SOX5: variants seen among roughly 807,000 people sequenced by gnomAD.
The protein encoded by SOX5 is SRY-box transcription factor 5.
SOX5 carries 9 observed loss-of-function variants against 92.0 expected under a neutral mutation model. The ratio of observed to expected loss-of-function variants is 0.10; its 90% CI spans 0.06 to 0.17. The LOEUF (loss-of-function observed/expected upper bound fraction) is 0.17. Ranked by LOEUF, SOX5 falls within the 10% of genes least tolerant of loss-of-function variation. The pLI is 1.00. For synonymous variants in SOX5, 344 were observed against 336.3 expected (o/e 1.02, Z -0.25); for missense variants, 642 against 944.5 (o/e 0.68, Z 4.20).
At chr12:23,607,752 A>C (rs1220585081) in intron 8 of SOX5, among the ~76,000 whole-genome samples, 2 of 152,180 alleles carry the variant, frequency 1.3e-5, no homozygotes, top group African/African-American at 4.8e-5. Context: ...ACCTGAAATA[A>C]CAAGCACCTG....
At chr12:24,502,455 T>C (rs1238711076) in intron 1 of SOX5, among the ~76,000 whole-genome samples, 1 of 152,216 alleles carries the variant, frequency 6.6e-6, no homozygotes, top group Non-Finnish European at 1.5e-5. Flanking sequence ...GAATCTACAT[T>C]GATGGAATAT....
intron 1 of SOX5, among the ~76,000 whole-genome samples, chr12:23,944,745 G>T (rs757563805): frequency 6.6e-6 from 1 of 152,106 alleles, no homozygotes; most frequent in Non-Finnish European, 1.5e-5. Flanking sequence ...GGAAGACTTT[G>T]TTATGTTTTT....
intron 4 of SOX5, among the ~76,000 whole-genome samples, chr12:24,011,025 TA>T (rs1228217330): frequency 1.3e-5 from 2 of 151,990 alleles, no homozygotes; most frequent in Admixed American, 6.6e-5. Flanking sequence ...AATGACAACA[TA>T]ATTGCTAAAC....
intron 2 of SOX5, among the ~76,000 whole-genome samples, chr12:23,853,180 T>G (rs771467101): frequency 6.6e-6 from 1 of 150,720 alleles, no homozygotes; most frequent in Non-Finnish European, 1.5e-5. Flanking sequence ...AATTTTTTAA[T>G]AGTCATTTTG....
intron 1 of SOX5, among the ~76,000 whole-genome samples, chr12:24,524,822 G>A (rs191119927): frequency 5.7e-4 from 87 of 152,178 alleles, no homozygotes; most frequent in African/African-American, 1.9e-3. Flanking sequence ...TTTGGGACTC[G>A]CCTGGGTAAC....
At position 23,830,846 on chromosome 12, in the gene SOX5, A is replaced by T. The variant is rs1182944186; in HGVS notation, c.481+15137T>A. Among the ~76,000 whole-genome samples the T allele has an allele frequency of 3.3e-5, 5 of 152,298 alleles. No homozygotes were observed. In the East Asian group the frequency reaches 9.7e-4, roughly 29 times the overall value. On this transcript the variant is annotated intron_variant, in intron 3 of 14. Transcript: ENST00000451604. ...TAATATGGTTCAGTTTAATTTCTAA[A>T]GGGCTGCTCAACAACAGACATTTAA...
intron 14 of SOX5, among the ~76,000 whole-genome samples, chr12:23,535,961 G>C (rs1394189832): frequency 6.6e-6 from 1 of 152,084 alleles, no homozygotes; most frequent in African/African-American, 2.4e-5. Flanking sequence ...TCCCAACCTT[G>C]TTACACCCTA....
intron 1 of SOX5, among the ~76,000 whole-genome samples, chr12:23,921,778 G>GCT (rs1169773402): frequency 6.6e-6 from 1 of 152,142 alleles, no homozygotes; most frequent in Non-Finnish European, 1.5e-5. Context: ...AAGAGATGTT[G>GCT]CCATTTTCGC....
intron 1 of SOX5, among the ~76,000 whole-genome samples, chr12:24,429,649 CA>C (rs1192133166): frequency 6.6e-6 from 1 of 151,950 alleles, no homozygotes; most frequent in African/African-American, 2.4e-5. Flanking sequence ...CACACACACA[CA>C]CCCCATGAGC....
chr12:23,706,373 G>A lies in SOX5; in HGVS notation c.810+28311C>T, dbSNP rs566490477. Among the ~76,000 whole-genome samples, 4 of 152,134 alleles carry A rather than the reference G, an allele frequency of 2.6e-5. 1 individual carries two copies. The South Asian group carries it at 8.3e-4, about 32-fold the overall frequency. Reference sequence around the variant, plus strand: ...CAACAAATAAGATATTCAGTCAATTGCTGGATAAATTCTATCTAGTTATGC... The same window carrying A: ...CAACAAATAAGATATTCAGTCAATTACTGGATAAATTCTATCTAGTTATGC... On this transcript the variant is annotated intron_variant, in intron 6 of 14. Coordinates refer to ENST00000451604, the MANE Select transcript of SOX5 (RefSeq NM_006940.6).
At chr12:23,805,473 C>A (rs1009539576) in intron 3 of SOX5, among the ~76,000 whole-genome samples, 1 of 151,938 alleles carries the variant, frequency 6.6e-6, no homozygotes, top group African/African-American at 2.4e-5. Context: ...CTACTGTTAT[C>A]AAAAAGTAGC....
At chr12:23,817,602 A>G (rs982486285) in intron 3 of SOX5, among the ~76,000 whole-genome samples, 11 of 152,214 alleles carry the variant, frequency 7.2e-5, no homozygotes, top group Admixed American at 6.5e-4. Context: ...TAAGCACTTA[A>G]AGCAAATTGG....
chr12:23,855,404 C>T (rs189189904), intron 2 of SOX5, among the ~76,000 whole-genome samples: 20 of 151,882 alleles, frequency 1.3e-4, no homozygotes, highest in Non-Finnish European at 2.8e-4. Context: ...AAAGTGATAA[C>T]TCAGGGAAAC....
At chr12:23,551,185 A>G (rs1247298065) in intron 11 of SOX5, among the ~76,000 whole-genome samples, 1 of 151,952 alleles carries the variant, frequency 6.6e-6, no homozygotes, top group Non-Finnish European at 1.5e-5. Flanking sequence ...GCACTTCTTT[A>G]TGGTCTTCTA....
chr12:24,331,258 G>A (rs1951271751), intron 2 of SOX5: 1 of 152,184 alleles, frequency 6.6e-6, no homozygotes. Context: ...AGTCTTCCAA[G>A]GTAATGCAGT....
chr12:23,915,578 A>G (rs2097405263), intron 1 of SOX5, among the ~76,000 whole-genome samples: 1 of 152,092 alleles, frequency 6.6e-6, no homozygotes, highest in African/African-American at 2.4e-5. Context: ...AAAACAAATC[A>G]CTTGAATGAC....
chr12:24,282,071 G>C (rs1945275202), intron 2 of SOX5, among the ~76,000 whole-genome samples: 1 of 152,172 alleles, frequency 6.6e-6, no homozygotes, highest in African/African-American at 2.4e-5. Context: ...GAGCTACAGA[G>C]ACTCAACCAA....
At chr12:23,706,544 A>G (rs2091415158) in intron 6 of SOX5, among the ~76,000 whole-genome samples, 2 of 152,096 alleles carry the variant, frequency 1.3e-5, no homozygotes, top group African/African-American at 4.8e-5. Flanking sequence ...AATATACCAC[A>G]TTTTATAATA....
intron 1 of SOX5, among the ~76,000 whole-genome samples, chr12:24,528,576 A>G (rs887341317): frequency 2.0e-5 from 3 of 152,224 alleles, no homozygotes; most frequent in Admixed American, 1.3e-4. Context: ...TGCTACTGAT[A>G]TATCACTATC....
Sources: gnomAD v4.1 joint callset for allele counts (sites outside exome capture counted in the v4.1 genomes callset) on GRCh38, gnomAD v4.1.1 for gene constraint, MANE v1.5 for transcripts, NCBI Gene and HGNC (gene_info 2026-07-23, HGNC 2026-07-21) for gene names.